Variants in ZNF500 observed in about 807,000 individuals in gnomAD.
ZNF500 encodes the protein zinc finger protein 500.
Under a neutral mutation model 30.1 loss-of-function variants are expected in ZNF500, and 31 were observed. The ratio of observed to expected loss-of-function variants is 1.03; its 90% CI spans 0.77 to 1.39. The LOEUF is 1.39. ZNF500 is among the 40% of genes most tolerant of loss of function. ZNF500 has a pLI of 0.00. For missense variants in ZNF500, 817 were observed against 657.8 expected (o/e 1.24, Z -2.65); for synonymous variants, 392 against 282.0 (o/e 1.39, Z -3.91).
chr16:4,760,675 C>T (rs887200058), intron 4 of ZNF500, 87 bp from the exon 5 acceptor site: 43 of 1,208,310 alleles, frequency 3.6e-5, no homozygotes, highest in Non-Finnish European at 2.3e-5. Flanking sequence ...GCTGCACCGC[C>T]ACTGCCCCTC....
At chr16:4,753,197 A>C in intron 5 of ZNF500, 139 bp from the exon 6 acceptor site, 1 of 1,404,512 alleles carries the variant, frequency 7.1e-7, no homozygotes, top group Non-Finnish European at 9.2e-7. Flanking sequence ...ACTGTGGCTC[A>C]CGCCTATAAT....
At chr16:4,758,247 C>T (rs552806082) in intron 5 of ZNF500, 2 of 152,066 alleles carry the variant, frequency 1.3e-5, no homozygotes, top group South Asian at 4.2e-4. Flanking sequence ...TCCTCGGCCC[C>T]ACAGACCTTT....
chr16:4,762,990 C>T, intron 2 of ZNF500: 8 of 985,444 alleles, frequency 8.1e-6, no homozygotes, highest in African/African-American at 1.7e-5. Flanking sequence ...CACATTCTTA[C>T]CCTCTATTCC....
chr16:4,745,100 C>A, downstream of ZNF500: 1 of 1,468,736 alleles, frequency 6.8e-7, no homozygotes. Context: ...AAGGGCGGGG[C>A]ACTCCATGTG....
In ZNF500 at chr16:4,752,428, G is replaced by A. The variant is rs1361172131; in HGVS notation, c.1391C>T (p.Ser464Phe). 9 of 1,534,348 alleles carry A rather than the reference G, an allele frequency of 5.9e-6. No individual in the cohort carries two copies. The highest frequency in any genetic ancestry group is 1.2e-5 in the South Asian group (1 of 83,784). Residue 464 changes from serine to phenylalanine, a missense_variant, in exon 6 of 6, where the codon TCC becomes TTC. Physicochemically the swap from Ser to Phe is radical, Grantham distance 155 (BLOSUM62 -2). Transcript: ENST00000219478. ...KHQRTHMGAG[S>F]LPTLQPVAPG... ...AGCCACCGGCTGGAGCGTCGGCAAG[G>A]AGCCTGCCCCCATGTGGGTCCGCTG... is the stretch of plus-strand genomic sequence containing the variant.
rs765515816 is a variant in ZNF500 at position 4,765,748 on chromosome 16, G to A, written c.231C>T (p.Arg77=). The A allele has an allele frequency of 2.2e-5, 35 of 1,613,190 alleles. No individual in the cohort carries two copies. The Middle Eastern group carries it at 2.2e-3, about 101-fold the overall frequency. ...ALSRLWELCC[R]WLRPELRTKE... is the part of the protein sequence containing the mutation. ...TGGTGCGCAGCTCCGGCCGCAGCCA[G>A]CGGCAGCACAGCTCCCAGAGGCGGC... Residue 77 remains arginine (R), a synonymous_variant, in exon 2 of 6, where the codon CGC becomes CGT. Coordinates refer to ENST00000219478, the MANE Select transcript of ZNF500 (RefSeq NM_021646.4).
rs1596493491 is a variant in ZNF500 at position 4,752,111 on chromosome 16, G to A, written c.*265C>T. 2 of 1,340,090 alleles carry A rather than the reference G, an allele frequency of 1.5e-6. No homozygotes were observed. The highest frequency in any genetic ancestry group is 1.9e-6 in the Non-Finnish European group (2 of 1,051,016). The allele number at this position is 1,340,090 out of a possible 1,614,324, so 83.0% of individuals were successfully genotyped here. ...TGAGTGTCGGCTTCTGGCCTCCTGA[G>A]TGTGTCTCTGTGGCTGAAGCCCCTG... On this transcript the variant is annotated 3_prime_UTR_variant, in exon 6 of 6. Coordinates refer to ENST00000219478, the MANE Select transcript of ZNF500 (RefSeq NM_021646.4).
chr16:4,745,550 C>G (rs2082004282), downstream of ZNF500, among the ~76,000 whole-genome samples: 1 of 152,216 alleles, frequency 6.6e-6, no homozygotes, highest in African/African-American at 2.4e-5. Flanking sequence ...CCTGCCCTCC[C>G]CACACTTTGG....
chr16:4,755,307 A>G (rs181267851), intron 5 of ZNF500, among the ~76,000 whole-genome samples: 27 of 151,590 alleles, frequency 1.8e-4, no homozygotes, highest in African/African-American at 6.3e-4. Context: ...TTGTAAAAAT[A>G]TTTTTACTTA....
intron 5 of ZNF500, among the ~76,000 whole-genome samples, chr16:4,759,725 T>C (rs1291812632): frequency 1.3e-5 from 2 of 152,010 alleles, no homozygotes; most frequent in African/African-American, 2.4e-5. Flanking sequence ...CAAAGCGATA[T>C]CTCACTGTCA....
At position 4,762,726 on chromosome 16, in the gene ZNF500, G is replaced by A. The variant is rs1295948625; in HGVS notation, c.445C>T (p.Pro149Ser). 6.2e-6 allele frequency: 10 copies of A among 1,611,728 alleles called. No homozygotes were observed. The highest frequency in any genetic ancestry group is 2.2e-5 in the East Asian group (1 of 44,840). ...GSELLSDDEV[P>S]LGIGGQFLKH... ...AAGAACTGTCCCCCTATCCCGAGGG[G>A]CACCTCGTCATCAGAAAGCAGCTCT... Residue 149 changes from proline (P) to serine (S), a missense_variant, in exon 3 of 6, where the codon CCC becomes TCC. Pro to Ser is a moderately conservative substitution (Grantham distance 74). Transcript: ENST00000219478.
downstream of ZNF500, chr16:4,744,861 C>G: frequency 1.9e-6 from 3 of 1,609,354 alleles, no homozygotes; most frequent in Non-Finnish European, 2.5e-6. Flanking sequence ...CTCCTTTGGC[C>G]ATCCTCAGAC....
At chr16:4,747,609 C>A, downstream of ZNF500, 1 of 1,607,654 alleles carries the variant, frequency 6.2e-7, no homozygotes, top group Non-Finnish European at 8.5e-7. Flanking sequence ...CTGATGCCTC[C>A]TCTGGAGCAA....
Position 4,752,529 on chromosome 16 carries a change from C to T in ZNF500, c.1290G>A (p.Thr430=), listed in dbSNP as rs1387919081. ...AGGTGTAGGGCTTCTCACCTGTGTG[C>T]GTCCGGCGGTGGGCGCTGAAGTGCG... The part of the protein sequence containing the change: ...NSSHFSAHRR[T]HTGEKPYTCP... The change falls in exon 6 of 6, where the codon ACG becomes ACA. Residue 430 remains threonine (T), a synonymous_variant. Coordinates refer to ENST00000219478, the MANE Select transcript of ZNF500 (RefSeq NM_021646.4). 16 of 1,562,224 alleles carry T rather than the reference C, an allele frequency of 1.0e-5. No individual in the cohort carries two copies. The East Asian group carries it at 1.2e-4, about 12-fold the overall frequency.
At chr16:4,761,178 C>T (rs9936227) in intron 4 of ZNF500, among the ~76,000 whole-genome samples, 91,740 of 151,740 alleles carry the variant, frequency 0.6, 28,066 homozygotes, top group East Asian at 0.66. Flanking sequence ...GGCTCACACC[C>T]GTAATCCCAG....
intron 2 of ZNF500, chr16:4,764,210 G>T: frequency 2.3e-6 from 1 of 426,036 alleles, no homozygotes; most frequent in Non-Finnish European, 3.1e-6. Context: ...GGTGGTCAGT[G>T]TGACTGAGGA....
intron 2 of ZNF500, chr16:4,764,093 G>A (rs1464674648): frequency 2.0e-6 from 2 of 985,340 alleles, no homozygotes; most frequent in African/African-American, 1.7e-5. Context: ...GGGCTGGAAG[G>A]AGGTGGAGAG....
At chr16:4,762,988 T>C in intron 2 of ZNF500, 3 of 985,396 alleles carry the variant, frequency 3.0e-6, no homozygotes, top group Non-Finnish European at 3.6e-6. Flanking sequence ...ATCACATTCT[T>C]ACCCTCTATT....
intron 4 of ZNF500, among the ~76,000 whole-genome samples, chr16:4,761,517 ACACACAC>A (rs1409517836): frequency 2.1e-5 from 3 of 143,636 alleles, no homozygotes; most frequent in Non-Finnish European, 4.5e-5. Flanking sequence ...ACACACACAC[ACACACAC>A]ACATATAAAA....
Sources: gnomAD v4.1 joint callset for allele counts (sites outside exome capture counted in the v4.1 genomes callset) on GRCh38, gnomAD v4.1.1 for gene constraint, MANE v1.5 for transcripts, NCBI Gene and HGNC (gene_info 2026-07-23, HGNC 2026-07-21) for gene names.